The following ATP13A4 variants were observed in gnomAD, a reference collection of about 807,000 sequenced individuals.
ATP13A4 encodes ATPase 13A4.
A neutral mutation model predicts 142.5 loss-of-function variants in ATP13A4; 114 were observed. The ratio of observed to expected loss-of-function variants is 0.80; its 90% CI spans 0.69 to 0.93. The LOEUF (loss-of-function observed/expected upper bound fraction) is 0.93. Among genes scored for constraint, ATP13A4 ranks in the 40% least tolerant of loss-of-function variants. ATP13A4 has a pLI of 0.00. For synonymous variants in ATP13A4, 488 were observed against 514.8 expected, an observed-to-expected ratio of 0.95 and a Z score of 0.70; for missense variants, 1,392 against 1,454.0, an observed-to-expected ratio of 0.96 and a Z score of 0.69.
chr3:193,453,179 A>C (rs1044012662), intron 17 of ATP13A4, among the ~76,000 whole-genome samples: 3 of 152,134 alleles, frequency 2.0e-5, no homozygotes, highest in African/African-American at 7.2e-5. Context: ...GTGAAACATT[A>C]TATGTTTTGC....
chr3:193,440,441 A>C, intron 21 of ATP13A4, 117 bp downstream of exon 21: 1 of 1,544,718 alleles, frequency 6.5e-7, no homozygotes. Flanking sequence ...TATCTCATGC[A>C]GCCGAAGTAC....
chr3:193,535,466 C>CAA (rs999765076), intron 1 of ATP13A4, among the ~76,000 whole-genome samples: 1 of 149,086 alleles, frequency 6.7e-6, no homozygotes, highest in African/African-American at 2.5e-5. Flanking sequence ...GATAAAAAAA[C>CAA]AAAAAAAAAT....
intron 2 of ATP13A4, among the ~76,000 whole-genome samples, chr3:193,562,680 G>A (rs1438317314): frequency 6.6e-6 from 1 of 152,136 alleles, no homozygotes; most frequent in East Asian, 1.9e-4. Flanking sequence ...GACTATCCTG[G>A]CTAACACGAT....
At position 193,495,028 on chromosome 3, in the gene ATP13A4, T is replaced by C. The variant is rs188418722; in HGVS notation, c.382-1868A>G. Among the ~76,000 whole-genome samples, 495 of 152,170 alleles carry C rather than the reference T, an allele frequency of 3.3e-3. 4 individuals carry two copies. The highest frequency in any genetic ancestry group is 4.0e-3 in the Non-Finnish European group (273 of 67,908). On this transcript the variant is annotated intron_variant, in intron 3 of 29. Coordinates refer to ENST00000342695, the MANE Select transcript of ATP13A4 (RefSeq NM_032279.4). Reference sequence around the variant, plus strand: ...AGAAATGGAAAAATTCCTGGACACATGTAAGCTACCAAGATTGAATCATGA... The same window carrying C: ...AGAAATGGAAAAATTCCTGGACACACGTAAGCTACCAAGATTGAATCATGA...
intron 1 of ATP13A4, among the ~76,000 whole-genome samples, chr3:193,516,548 C>T (rs577825159): frequency 5.4e-4 from 83 of 152,300 alleles, no homozygotes; most frequent in African/African-American, 1.9e-3. Context: ...CAGAGCAGTG[C>T]CCTAGTCTTA....
At chr3:193,458,987 C>A (rs1189716251) in intron 14 of ATP13A4, 94 bp downstream of exon 14, 1 of 1,561,714 alleles carries the variant, frequency 6.4e-7, no homozygotes, top group Non-Finnish European at 8.8e-7. Flanking sequence ...CATTGGAAAC[C>A]TCACCTTTTA....
At chr3:193,564,576 G>A (rs915285268) in intron 2 of ATP13A4, among the ~76,000 whole-genome samples, 2 of 152,134 alleles carry the variant, frequency 1.3e-5, no homozygotes, top group African/African-American at 4.8e-5. Context: ...CTGTGGTGAT[G>A]GTTTCACAGA....
chr3:193,447,041 C>A, intron 18 of ATP13A4, among the ~76,000 whole-genome samples: 1 of 151,988 alleles, frequency 6.6e-6, no homozygotes, highest in South Asian at 2.1e-4. Flanking sequence ...GACAATACTT[C>A]AGCGAAAAAA....
At position 193,442,407 on chromosome 3, in the gene ATP13A4, T is replaced by C. The variant is rs1245445337; in HGVS notation, c.2302A>G (p.Met768Val). The change falls in exon 19 of 30, where the codon ATG becomes GTG. Residue 768 changes from methionine to valine, a missense_variant. Transcript: ENST00000342695. The part of the protein sequence containing the change: ...WTLVEEKKHI[M>V]YGNQDNYINI... ...TTCAGGAGTACCTGATTCCCATACATAATGTGTTTCTTCTCTTCTACTAAC... is the reference window on the plus strand; with the variant it reads ...TTCAGGAGTACCTGATTCCCATACACAATGTGTTTCTTCTCTTCTACTAAC... 2 of 1,613,900 alleles carry C rather than the reference T, an allele frequency of 1.2e-6. No homozygotes were observed. The highest frequency in any genetic ancestry group is 4.5e-5 in the East Asian group (2 of 44,896).
chr3:193,475,814 T>C (rs1718930081), intron 8 of ATP13A4, among the ~76,000 whole-genome samples: 1 of 152,092 alleles, frequency 6.6e-6, no homozygotes, highest in African/African-American at 2.4e-5. Flanking sequence ...TGTACATTTC[T>C]AATGGGATGT....
At chr3:193,504,020 T>TGTGTGTGTGTGTGAGA (rs1034644341) in intron 2 of ATP13A4, among the ~76,000 whole-genome samples, 96 of 144,314 alleles carry the variant, frequency 6.7e-4, no homozygotes, top group African/African-American at 2.1e-3. Flanking sequence ...TGTGTGTGTG[T>TGTGTGTGTGTGTGAGA]GAGAGAGAGA....
At chr3:193,441,674 G>C (rs1716651339) in intron 19 of ATP13A4, 86 bp from the exon 20 acceptor site, 1 of 1,478,358 alleles carries the variant, frequency 6.8e-7, no homozygotes, top group Admixed American at 1.7e-5. Flanking sequence ...AGTTAATGAA[G>C]ACAGACCAGG....
At chr3:193,524,295 C>T (rs1560255756) in intron 1 of ATP13A4, among the ~76,000 whole-genome samples, 1 of 152,174 alleles carries the variant, frequency 6.6e-6, no homozygotes, top group East Asian at 1.9e-4. Flanking sequence ...TTGTGTCTGG[C>T]ATCTGCAGGA....
intron 2 of ATP13A4, among the ~76,000 whole-genome samples, chr3:193,503,676 T>C (rs954156916): frequency 6.6e-6 from 1 of 152,200 alleles, no homozygotes; most frequent in Non-Finnish European, 1.5e-5. Flanking sequence ...TCTCTTATAT[T>C]CATCCTCCTA....
At chr3:193,556,483 G>A (rs532781897), upstream of ATP13A4, among the ~76,000 whole-genome samples, 8 of 145,812 alleles carry the variant, frequency 5.5e-5, no homozygotes, top group Admixed American at 1.4e-4. Flanking sequence ...ATATATGTAC[G>A]TGTGTGTGTA....
At chr3:193,450,819 C>T (rs2043811900) in intron 17 of ATP13A4, among the ~76,000 whole-genome samples, 1 of 152,114 alleles carries the variant, frequency 6.6e-6, no homozygotes, top group African/African-American at 2.4e-5. Context: ...GGAAGATGTG[C>T]CAGGCCATAA....
intron 8 of ATP13A4, among the ~76,000 whole-genome samples, chr3:193,474,970 T>C (rs1455132410): frequency 6.6e-6 from 1 of 152,062 alleles, no homozygotes; most frequent in Non-Finnish European, 1.5e-5. Flanking sequence ...ACCTTATGAT[T>C]AGAAAAATGT....
intron 1 of ATP13A4, among the ~76,000 whole-genome samples, chr3:193,536,019 G>A (rs1422033375): frequency 1.3e-5 from 2 of 151,548 alleles, no homozygotes. Flanking sequence ...AAATCTCTGG[G>A]CCTATACAGT....
At chr3:193,531,097 A>G (rs1350096350) in intron 1 of ATP13A4, among the ~76,000 whole-genome samples, 1 of 152,066 alleles carries the variant, frequency 6.6e-6, no homozygotes, top group African/African-American at 2.4e-5. Context: ...CTTTTCAATG[A>G]AGCCGTCCAG....
Sources: gnomAD v4.1 joint callset for allele counts (sites outside exome capture counted in the v4.1 genomes callset) on GRCh38, gnomAD v4.1.1 for gene constraint, MANE v1.5 for transcripts, NCBI Gene and HGNC (gene_info 2026-07-23, HGNC 2026-07-21) for gene names.